CRYAB: variants seen among roughly 807,000 people sequenced by gnomAD.
CRYAB encodes alpha-crystallin B chain.
CRYAB carries 9 observed loss-of-function variants against 12.7 expected under a neutral mutation model. That is an observed-to-expected ratio of 0.71 (90% CI 0.43 to 1.24). CRYAB has a LOEUF of 1.24. CRYAB is among the 50% of genes most tolerant of loss of function. The pLI is 0.00. For synonymous variants in CRYAB, 93 were observed against 86.8 expected, an observed-to-expected ratio of 1.07 and a Z score of -0.40; for missense variants, 183 against 226.6, an observed-to-expected ratio of 0.81 and a Z score of 1.24.
chr11:111,911,385 G>A, intron 1 of CRYAB, 139 bp downstream of exon 1: 10 of 809,304 alleles, frequency 1.2e-5, no homozygotes, highest in Non-Finnish European at 2.0e-5. Flanking sequence ...GAAGGCACTA[G>A]CAACCTCCTC....
Position 111,911,572 on chromosome 11 carries a change from T to C in CRYAB, c.153A>G (p.Pro51=), listed in dbSNP as rs1315650996. 6.2e-7 allele frequency: 1 copy of C among 1,612,300 alleles called. No individual in the cohort carries two copies. The highest frequency in any genetic ancestry group is 8.5e-7 in the Non-Finnish European group (1 of 1,179,596). Reference sequence around the variant, plus strand: ...AGCTGGGTGCCCGCAGGAAGGAGGGTGGCCGAAGGTAGAAGGGACTCAGGG... The same window carrying C: ...AGCTGGGTGCCCGCAGGAAGGAGGGCGGCCGAAGGTAGAAGGGACTCAGGG... ...STSLSPFYLR[P]PSFLRAPSWF... is the part of the protein sequence containing the mutation. Residue 51 remains proline, a synonymous_variant, in exon 1 of 3, where the codon CCA becomes CCG. Coordinates refer to ENST00000650687, the MANE Select transcript of CRYAB (RefSeq NM_001289808.2).
At chr11:111,918,324 C>T (rs1965628887), upstream of CRYAB, among the ~76,000 whole-genome samples, 1 of 152,074 alleles carries the variant, frequency 6.6e-6, no homozygotes, top group African/African-American at 2.4e-5. Context: ...TGATTTTATA[C>T]CAGAAAGGGG....
chr11:111,911,551 G>C lies in CRYAB; in HGVS notation c.174C>G (p.Pro58=). The change falls in exon 1 of 3, where the codon CCC becomes CCG. Residue 58 remains proline, a synonymous_variant. Coordinates refer to ENST00000650687, the MANE Select transcript of CRYAB (RefSeq NM_001289808.2). ...YLRPPSFLRA[P]SWFDTGLSEM... ...CTGAGAGTCCAGTGTCAAACCAGCTGGGTGCCCGCAGGAAGGAGGGTGGCC... is the reference window on the plus strand; with the variant it reads ...CTGAGAGTCCAGTGTCAAACCAGCTCGGTGCCCGCAGGAAGGAGGGTGGCC... The C allele has an allele frequency of 6.2e-7, 1 of 1,612,482 alleles. No homozygotes were observed. The highest frequency in any genetic ancestry group is 8.5e-7 in the Non-Finnish European group (1 of 1,179,540).
intron 1 of CRYAB, among the ~76,000 whole-genome samples, chr11:111,921,855 CAG>C (rs2137400817): frequency 6.6e-6 from 1 of 150,454 alleles, no homozygotes; most frequent in East Asian, 1.9e-4. Flanking sequence ...TTTTTTGAAA[CAG>C]AGTTTTGCTT....
At chr11:111,913,348 C>T (rs1965531643), upstream of CRYAB, 1 of 1,000,910 alleles carries the variant, frequency 1.0e-6, no homozygotes, top group Admixed American at 2.1e-5. Flanking sequence ...CCCTCTTGCT[C>T]TTCCCAATCC....
At chr11:111,909,081 C>T in intron 2 of CRYAB, 114 bp from the exon 3 acceptor site, 3 of 1,045,778 alleles carry the variant, frequency 2.9e-6, no homozygotes, top group Non-Finnish European at 2.9e-6. Context: ...GCCATGACAA[C>T]ATAGGAAAAA....
chr11:111,908,737 T>A lies in CRYAB; in HGVS notation c.*27A>T, dbSNP rs908265346. 2.5e-6 allele frequency: 4 copies of A among 1,610,696 alleles called. No individual in the cohort carries two copies. The highest frequency in any genetic ancestry group is 2.5e-6 in the Non-Finnish European group (3 of 1,178,616). ...CACTGGTGGGGAAACTTTCTTGTTTTAAAAAATGCAATTCAAGAAAGGGCA... is the reference window on the plus strand; with the variant it reads ...CACTGGTGGGGAAACTTTCTTGTTTAAAAAAATGCAATTCAAGAAAGGGCA... On this transcript the variant is annotated 3_prime_UTR_variant, in exon 3 of 3. Coordinates refer to ENST00000650687, the MANE Select transcript of CRYAB (RefSeq NM_001289808.2).
intron 1 of CRYAB, among the ~76,000 whole-genome samples, chr11:111,922,728 T>G (rs1965720712): frequency 6.6e-6 from 1 of 152,234 alleles, no homozygotes; most frequent in Admixed American, 6.5e-5. Flanking sequence ...TATTTCCTAT[T>G]TTTTGCAATT....
chr11:111,910,161 A>C, intron 2 of CRYAB, 166 bp downstream of exon 2: 2 of 825,820 alleles, frequency 2.4e-6, no homozygotes, highest in Non-Finnish European at 2.0e-6. Flanking sequence ...CAACAGCAAT[A>C]TGTCTATCCT....
At chr11:111,910,041 A>G in intron 2 of CRYAB, 1 of 621,430 alleles carries the variant, frequency 1.6e-6, no homozygotes, top group South Asian at 1.9e-5. Flanking sequence ...TCCCCTGGTG[A>G]TTCTAATGTG....
chr11:111,912,961 A>G (rs782311907), upstream of CRYAB: 1 of 857,380 alleles, frequency 1.2e-6, no homozygotes, highest in Non-Finnish European at 1.4e-6. Flanking sequence ...CCCCACCCCC[A>G]CCCCCTGAAA....
chr11:111,919,227 C>G (rs1965647477), intron 1 of CRYAB: 1 of 572,364 alleles, frequency 1.7e-6, no homozygotes, highest in Non-Finnish European at 3.1e-6. Context: ...CTACTCCCAG[C>G]ACTTTGGGAG....
chr11:111,915,640 A>G (rs908831618), upstream of CRYAB, among the ~76,000 whole-genome samples: 5 of 152,224 alleles, frequency 3.3e-5, no homozygotes, highest in Non-Finnish European at 5.9e-5. Flanking sequence ...GATTTAGTCC[A>G]AATCCCCTCT....
At chr11:111,912,519 A>G (rs1007388164), upstream of CRYAB, 5 of 474,740 alleles carry the variant, frequency 1.1e-5, no homozygotes, top group Non-Finnish European at 1.5e-5. Context: ...TGCCCCAGGC[A>G]CCACCAGCTC....
intron 1 of CRYAB, among the ~76,000 whole-genome samples, chr11:111,920,977 T>C (rs369973418): frequency 4.2e-4 from 64 of 152,248 alleles, no homozygotes; most frequent in African/African-American, 1.5e-3. Flanking sequence ...ATAGCGTATG[T>C]GAAAACCTCA....
chr11:111,913,410 T>A (rs1555165838), upstream of CRYAB: 1 of 1,545,194 alleles, frequency 6.5e-7, no homozygotes, highest in African/African-American at 1.4e-5. Context: ...TCCTCCCTCA[T>A]CCTGCCTCTT....
At position 111,908,589 on chromosome 11, in the gene CRYAB, A is replaced by C. The variant is rs1421729419; in HGVS notation, c.*175T>G. Reference sequence around the variant, plus strand: ...TCTGTGGTATCTGTATATTTATTTAAAAGTGTGTGGAATATTCAAACACAA... The same window carrying C: ...TCTGTGGTATCTGTATATTTATTTACAAGTGTGTGGAATATTCAAACACAA... On this transcript the variant is annotated 3_prime_UTR_variant, in exon 3 of 3. Coordinates refer to ENST00000650687, the MANE Select transcript of CRYAB (RefSeq NM_001289808.2). The C allele has an allele frequency of 1.6e-6, 1 of 629,972 alleles. No individual in the cohort carries two copies. The highest frequency in any genetic ancestry group is 2.8e-6 in the Non-Finnish European group (1 of 356,726). 39.0% of individuals were successfully genotyped at this position (629,972 alleles called of 1,614,324 possible). A position where few individuals can be genotyped will look rare whatever the true frequency, so the allele number is the denominator to read the frequency against.
At chr11:111,913,404 C>T, upstream of CRYAB, 2 of 1,518,620 alleles carry the variant, frequency 1.3e-6, no homozygotes, top group Non-Finnish European at 1.8e-6. Flanking sequence ...GCCTCATCCT[C>T]CCTCATCCTG....
intron 1 of CRYAB, among the ~76,000 whole-genome samples, chr11:111,923,329 A>G (rs1555166687): frequency 6.6e-6 from 1 of 152,240 alleles, no homozygotes; most frequent in African/African-American, 2.4e-5. Context: ...ACATCAAAAC[A>G]GAAACCTCTG....
Sources: gnomAD v4.1 joint callset for allele counts (sites outside exome capture counted in the v4.1 genomes callset) on GRCh38, gnomAD v4.1.1 for gene constraint, MANE v1.5 for transcripts, NCBI Gene and HGNC (gene_info 2026-07-23, HGNC 2026-07-21) for gene names.